Variants in JPH4 observed in about 807,000 individuals in gnomAD.
The protein encoded by JPH4 is junctophilin 4, also known as junctophilin-4.
JPH4 carries 18 observed loss-of-function variants against 57.6 expected under a neutral mutation model. The observed-to-expected ratio is 0.31, with a 90% CI of 0.22 to 0.46. JPH4 has a LOEUF of 0.46. JPH4 is among the 20% of genes least tolerant of loss of function. The pLI, the probability that JPH4 is intolerant of heterozygous loss-of-function variation, is 1.00. For missense variants in JPH4, 727 were observed against 911.1 expected, an observed-to-expected ratio of 0.80 and a Z score of 2.60; for synonymous variants, 425 against 406.6, an observed-to-expected ratio of 1.05 and a Z score of -0.54.
intron 3 of JPH4, chr14:23,572,730 A>G (rs1889181556): frequency 1.7e-6 from 1 of 603,768 alleles, no homozygotes; most frequent in African/African-American, 1.9e-5. Flanking sequence ...CCTTTCGGTA[A>G]TGATCCCATC....
In JPH4 at chr14:23,575,887, A is replaced by G; in HGVS notation, c.949T>C (p.Tyr317His). 1 of 1,574,352 alleles carries G rather than the reference A, an allele frequency of 6.4e-7. No homozygotes were observed. The highest frequency in any genetic ancestry group is 8.6e-7 in the Non-Finnish European group (1 of 1,164,512). ...GEWLGNRRHG[Y>H]GRTTRPDGSR... The stretch of plus-strand genomic sequence containing the variant: ...CCGTCGGGGCGGGTGGTGCGCCCGT[A>G]GCCGTGCCGCCGGTTGCCCAGCCAC... The change falls in exon 3 of 6, where the codon TAC becomes CAC. Residue 317 changes from tyrosine to histidine, a missense_variant. Tyr to His is a moderately conservative substitution (Grantham distance 83). Around this residue, in one of 7 missense-constraint regions of JPH4, gnomAD observed 112 missense variants for 199.4 expected, o/e 0.56. Coordinates refer to ENST00000356300, the MANE Select transcript of JPH4 (RefSeq NM_001146028.2). This position sits in a 1 kb window ranked among gnomAD's most constrained non-coding sequence, Gnocchi z 6.9.
chr14:23,576,198 G>C lies in JPH4; in HGVS notation c.638C>G (p.Pro213Arg), dbSNP rs1226755149. Residue 213 changes from proline (P) to arginine (R), a missense_variant, in exon 3 of 6, where the codon CCG (proline) becomes CGG (arginine). Physicochemically the swap from Pro to Arg is moderately radical, Grantham distance 103. Coordinates refer to ENST00000356300, the MANE Select transcript of JPH4 (RefSeq NM_001146028.2). The surrounding 1 kb of genome is among the most constrained non-coding windows in gnomAD (Gnocchi z 8.0). ...ADGASSRKRT[P>R]AAGGFFRRSL... Reference sequence around the variant, plus strand: ...ACGGCGAAAGAATCCGCCGGCCGCCGGAGTGCGCTTTCGGGACGACGCGCC... The same window carrying C: ...ACGGCGAAAGAATCCGCCGGCCGCCCGAGTGCGCTTTCGGGACGACGCGCC... 2 of 1,288,424 alleles carry C rather than the reference G, an allele frequency of 1.6e-6. No individual in the cohort carries two copies. The highest frequency in any genetic ancestry group is 1.5e-5 in the African/African-American group (1 of 64,596). 79.8% of individuals were successfully genotyped at this position (1,288,424 alleles called of 1,614,324 possible).
chr14:23,568,119 C>G lies in JPH4; in HGVS notation c.*1515G>C. Reference sequence around the variant, plus strand: ...CCTGCAAGACTTGGTGTTGGCGGCACTGTTGTAGTTTAACTTCAATCCCAA... The same window carrying G: ...CCTGCAAGACTTGGTGTTGGCGGCAGTGTTGTAGTTTAACTTCAATCCCAA... On this transcript the variant is annotated 3_prime_UTR_variant, in exon 6 of 6. Transcript: ENST00000356300. 1 of 985,268 alleles carries G rather than the reference C, an allele frequency of 1.0e-6. No homozygotes were observed. The highest frequency in any genetic ancestry group is 1.2e-6 in the Non-Finnish European group (1 of 829,658). The allele number at this position is 985,268 out of a possible 1,614,324, so 61.0% of individuals were successfully genotyped here. A position where few individuals can be genotyped will look rare whatever the true frequency, so the allele number is the denominator to read the frequency against.
In JPH4 at chr14:23,571,221, C is replaced by A. The variant is rs147893967; in HGVS notation, c.1510G>T (p.Ala504Ser). ...TAGCCAGCTAGTTCCTCTGCCTGTG[C>A]GCCTGCCCCCCCCCACTCCTCAGGC... ...AWPEEWGGAG[A>S]QAEELAGYEA... The change falls in exon 5 of 6, where the codon GCA becomes TCA. Residue 504 changes from alanine to serine, a missense_variant. Transcript: ENST00000356300. This position sits in a 1 kb window ranked among gnomAD's most constrained non-coding sequence, Gnocchi z 4.6. 1.9e-6 allele frequency: 3 copies of A among 1,612,682 alleles called. No homozygotes were observed. In the Admixed American group the frequency reaches 5.0e-5, roughly 27 times the overall value.
chr14:23,574,267 C>T (rs369542542), intron 3 of JPH4, among the ~76,000 whole-genome samples: 172 of 151,800 alleles, frequency 1.1e-3, no homozygotes, highest in African/African-American at 4.0e-3. Context: ...CTCTGTCTCC[C>T]GGGTTCAAGT....
Position 23,569,487 on chromosome 14 carries a change from GAA to G in JPH4, c.*145_*146del, listed in dbSNP as rs905637465. The G allele has an allele frequency of 1.0e-5, 7 of 673,120 alleles. No homozygotes were observed. The East Asian group carries it at 1.9e-4, about 18-fold the overall frequency. The allele number at this position is 673,120 out of a possible 1,614,324, so 41.7% of individuals were successfully genotyped here. A position where few individuals can be genotyped will look rare whatever the true frequency, so the allele number is the denominator to read the frequency against. ...GAAGACAGGGAAAGAAAAAGCGAGA[GAA>G]AAAAACAAAGGAGCACAGAAAAGAA... On this transcript the variant is annotated 3_prime_UTR_variant, in exon 6 of 6. Coordinates refer to ENST00000356300, the MANE Select transcript of JPH4 (RefSeq NM_001146028.2). This position sits in a 1 kb window ranked among gnomAD's most constrained non-coding sequence, Gnocchi z 4.8.
rs1889294705 is a variant in JPH4 at position 23,577,130 on chromosome 14, C to T, written c.324G>A (p.Gly108=). The change falls in exon 2 of 6, where the codon GGG becomes GGA. Residue 108 remains glycine (G), a synonymous_variant. Coordinates refer to ENST00000356300, the MANE Select transcript of JPH4 (RefSeq NM_001146028.2). The surrounding 1 kb of genome is among the most constrained non-coding windows in gnomAD (Gnocchi z 8.4). The stretch of plus-strand genomic sequence containing the variant: ...CGTCCTGGAAACCGTCCTTCCAGAG[C>T]CCGGCGTAGCGCAGGCCGGACACGC... ...WESVSGLRYA[G]LWKDGFQDGY... 1.3e-6 allele frequency: 2 copies of T among 1,556,248 alleles called. No homozygotes were observed. Among genetic ancestry groups the T allele is most frequent in the Admixed American group, 3.7e-5 (2 of 54,092 alleles).
intron 3 of JPH4, among the ~76,000 whole-genome samples, chr14:23,572,606 C>T (rs950622132): frequency 1.3e-5 from 2 of 152,044 alleles, no homozygotes; most frequent in Non-Finnish European, 2.9e-5. Context: ...TCCTATCTTG[C>T]GTTCCTTCAG....
rs2139477733 is a variant in JPH4 at position 23,578,555 on chromosome 14, A to G, written c.-547T>C. 6.6e-6 allele frequency: 1 copy of G among 151,512 alleles called. No homozygotes were observed. The highest frequency in any genetic ancestry group is 2.4e-5 in the African/African-American group (1 of 41,250). 9.4% of individuals were successfully genotyped at this position (151,512 alleles called of 1,614,324 possible). A position where few individuals can be genotyped will look rare whatever the true frequency, so the allele number is the denominator to read the frequency against. ...AAAAATAAATCAAAATTCCGATTCC[A>G]TCCCAGCACAAATCAATGTTTGCTC... On this transcript the variant is annotated 5_prime_UTR_variant, in exon 1 of 6. An upstream start codon of the reference 5' UTR is lost. Coordinates refer to ENST00000356300, the MANE Select transcript of JPH4 (RefSeq NM_001146028.2).
At position 23,569,997 on chromosome 14, in the gene JPH4, TTAG is replaced by T. The variant is rs1889063119; in HGVS notation, c.1804-283_1804-281del. ...TGTCCCAGGCAGGAGGTGCCTGGCCTTAGTAGCAGACATTGGCAGCAGCAGCCA... is the reference window on the plus strand; with the variant it reads ...TGTCCCAGGCAGGAGGTGCCTGGCCTTAGCAGACATTGGCAGCAGCAGCCA... On this transcript the variant is annotated intron_variant, in intron 5 of 5. Coordinates refer to ENST00000356300, the MANE Select transcript of JPH4 (RefSeq NM_001146028.2). The surrounding 1 kb of genome is among the most constrained non-coding windows in gnomAD (Gnocchi z 4.8). Among the ~76,000 whole-genome samples the T allele has an allele frequency of 6.6e-6, 1 of 152,098 alleles. No homozygotes were observed.
chr14:23,571,230 C>A lies in JPH4; in HGVS notation c.1501G>T (p.Gly501Trp), dbSNP rs771757467. 49 of 1,611,962 alleles carry A rather than the reference C, an allele frequency of 3.0e-5. No individual in the cohort carries two copies. The highest frequency in any genetic ancestry group is 4.4e-5 in the South Asian group (4 of 90,808). The change falls in exon 5 of 6, where the codon GGG (glycine) becomes TGG (tryptophan). Residue 501 changes from glycine to tryptophan, a missense_variant. Transcript: ENST00000356300. This position sits in a 1 kb window ranked among gnomAD's most constrained non-coding sequence, Gnocchi z 4.6. ...AGTTCCTCTGCCTGTGCGCCTGCCC[C>A]CCCCCACTCCTCAGGCCAAGCTTTG... Reference protein sequence around the residue: ...SPKAWPEEWGGAGAQAEELAG... With the variant: ...SPKAWPEEWGWAGAQAEELAG...
At position 23,571,487 on chromosome 14, in the gene JPH4, G is replaced by A. The variant is rs1889145089; in HGVS notation, c.1271-27C>T. On this transcript the variant is annotated intron_variant, in intron 4 of 5. Coordinates refer to ENST00000356300, the MANE Select transcript of JPH4 (RefSeq NM_001146028.2). The surrounding 1 kb of genome is among the most constrained non-coding windows in gnomAD (Gnocchi z 4.6). ...TGGGTAGGGATAGCTGAGAATCAGA[G>A]GGGCCTAACTGGCCTTGGGCTGGAG... The A allele has an allele frequency of 1.9e-6, 3 of 1,591,214 alleles. No individual in the cohort carries two copies. Among genetic ancestry groups the A allele is most frequent in the Non-Finnish European group, 2.6e-6 (3 of 1,176,302 alleles).
chr14:23,577,152 A>C lies in JPH4; in HGVS notation c.302T>G (p.Val101Gly). Reference sequence around the variant, plus strand: ...GAGCCCGGCGTAGCGCAGGCCGGACACGCTTTCCCACACGCCGCTGCGCCC... The same window carrying C: ...GAGCCCGGCGTAGCGCAGGCCGGACCCGCTTTCCCACACGCCGCTGCGCCC... ...LKGRSGVWES[V>G]SGLRYAGLWK... Residue 101 changes from valine to glycine, a missense_variant, in exon 2 of 6, where the codon GTG becomes GGG. This residue lies in a region of JPH4 where 90 missense variants were observed against 88.1 expected (regional missense o/e 1.02). Coordinates refer to ENST00000356300, the MANE Select transcript of JPH4 (RefSeq NM_001146028.2). The surrounding 1 kb of genome is among the most constrained non-coding windows in gnomAD (Gnocchi z 8.4). The C allele has an allele frequency of 1.9e-6, 3 of 1,538,742 alleles. No individual in the cohort carries two copies. The highest frequency in any genetic ancestry group is 2.6e-6 in the Non-Finnish European group (3 of 1,148,954).
chr14:23,571,257 G>A lies in JPH4; in HGVS notation c.1474C>T (p.Pro492Ser). Reference sequence around the variant, plus strand: ...CCCCACTCCTCAGGCCAAGCTTTGGGGCTGGAGAAGGGACCCTGGTCCCCT... The same window carrying A: ...CCCCACTCCTCAGGCCAAGCTTTGGAGCTGGAGAAGGGACCCTGGTCCCCT... ...PGGDQGPFSS[P>S]KAWPEEWGGA... is the part of the protein sequence containing the mutation. The change falls in exon 5 of 6, where the codon CCC becomes TCC. Residue 492 changes from proline (P) to serine (S), a missense_variant. Physicochemically the swap from Pro to Ser is moderately conservative, Grantham distance 74. Transcript: ENST00000356300. The surrounding 1 kb of genome is among the most constrained non-coding windows in gnomAD (Gnocchi z 4.6). 1.9e-6 allele frequency: 3 copies of A among 1,607,614 alleles called. No individual in the cohort carries two copies. The highest frequency in any genetic ancestry group is 2.5e-6 in the Non-Finnish European group (3 of 1,176,610).
Position 23,577,243 on chromosome 14 carries a change from C to T in JPH4, c.211G>A (p.Glu71Lys). Reference sequence around the variant, plus strand: ...CTCTTGCGCTCCACGCCCAGCCCTTCGCGCTTGCCCTGCTGCCAGTGGCCC... The same window carrying T: ...CTCTTGCGCTCCACGCCCAGCCCTTTGCGCTTGCCCTGCTGCCAGTGGCCC... ...YQGHWQQGKREGLGVERKSRW... is the reference protein window; with the variant it reads ...YQGHWQQGKRKGLGVERKSRW... The change falls in exon 2 of 6, where the codon GAA becomes AAA. Residue 71 changes from glutamate (E) to lysine (K), a missense_variant. Physicochemically the swap from Glu to Lys is moderately conservative, Grantham distance 56. This residue lies in a region of JPH4 where 83 missense variants were observed against 135.4 expected (regional missense o/e 0.61). Transcript: ENST00000356300. The surrounding 1 kb of genome is among the most constrained non-coding windows in gnomAD (Gnocchi z 8.4). 1 of 1,536,158 alleles carries T rather than the reference C, an allele frequency of 6.5e-7. No individual in the cohort carries two copies. The highest frequency in any genetic ancestry group is 8.7e-7 in the Non-Finnish European group (1 of 1,144,936).
Position 23,571,603 on chromosome 14 carries a change from TTATCCTACTGCATAC to T in JPH4, c.1271-158_1271-144del. The T allele has an allele frequency of 8.9e-7, 1 of 1,124,586 alleles. No homozygotes were observed. The highest frequency in any genetic ancestry group is 1.3e-6 in the Non-Finnish European group (1 of 784,336). 69.7% of individuals were successfully genotyped at this position (1,124,586 alleles called of 1,614,324 possible). On this transcript the variant is annotated intron_variant, in intron 4 of 5. Coordinates refer to ENST00000356300, the MANE Select transcript of JPH4 (RefSeq NM_001146028.2). This position sits in a 1 kb window ranked among gnomAD's most constrained non-coding sequence, Gnocchi z 4.6. The stretch of plus-strand genomic sequence containing the variant: ...TCACCGCCAGACCCCAAACCCCCCA[TTATCCTACTGCATAC>T]ATTCCCAAGTCCCACTCCCCAGACT...
intron 5 of JPH4, 31 bp downstream of exon 5, chr14:23,570,897 G>A: frequency 1.3e-6 from 2 of 1,485,532 alleles, no homozygotes; most frequent in Non-Finnish European, 8.9e-7. Flanking sequence ...TTTGGGAGAA[G>A]AGGGCACACA....
chr14:23,572,856 C>T, intron 3 of JPH4: 1 of 702,562 alleles, frequency 1.4e-6, no homozygotes, highest in East Asian at 2.7e-5. Context: ...TAGGTGCAGG[C>T]AGCCTGGGAG....
chr14:23,574,753 G>T (rs956838654), intron 3 of JPH4, among the ~76,000 whole-genome samples: 3 of 152,118 alleles, frequency 2.0e-5, no homozygotes, highest in African/African-American at 7.2e-5. Flanking sequence ...GGATATATTG[G>T]TTTAAATAAA....
Sources: allele counts gnomAD v4.1 joint callset (sites outside exome capture counted in the v4.1 genomes callset), GRCh38; gene constraint gnomAD v4.1.1; regional missense constraint gnomAD v4.1.1; non-coding constraint Gnocchi (gnomAD v3.1); transcripts MANE v1.5; gene names NCBI Gene and HGNC (gene_info 2026-07-23, HGNC 2026-07-21).